Variants in PTPRQ observed in about 807,000 individuals in gnomAD.
The protein encoded by PTPRQ is protein tyrosine phosphatase receptor type Q.
A neutral mutation model predicts 246.0 loss-of-function variants in PTPRQ; 199 were observed. The observed-to-expected ratio is 0.81, with a 90% CI of 0.72 to 0.91. The LOEUF (loss-of-function observed/expected upper bound fraction) is 0.91, where lower values mean the gene tolerates loss of function less well. PTPRQ is among the 40% of genes least tolerant of loss of function. PTPRQ has a pLI of 0.00. For synonymous variants in PTPRQ, 869 were observed against 853.2 expected (o/e 1.02, Z -0.32); for missense variants, 2,624 against 2,528.4 (o/e 1.04, Z -0.81).
In PTPRQ at chr12:80,619,391, A is replaced by AC; in HGVS notation, c.5239dup (p.Arg1747ProfsTer11). 1 of 1,547,192 alleles carries AC rather than the reference A, an allele frequency of 6.5e-7. No individual in the cohort carries two copies. The highest frequency in any genetic ancestry group is 8.7e-7 in the Non-Finnish European group (1 of 1,144,254). The stretch of plus-strand genomic sequence containing the variant: ...TTTCTTCTTTGTTTATAGCTCCAGC[A>AC]CGACCAAAAACCAAACCAACCCCTA... On this transcript the variant is annotated frameshift_variant, in exon 31 of 45. Transcript: ENST00000644991. LOFTEE classifies it high-confidence loss of function.
At chr12:80,475,105 T>C (rs971393319) in intron 8 of PTPRQ, among the ~76,000 whole-genome samples, 2 of 152,154 alleles carry the variant, frequency 1.3e-5, no homozygotes, top group Admixed American at 6.5e-5. Context: ...CTCAATGCTG[T>C]TTGTCTCTAT....
At chr12:80,622,768 C>G (rs1165151346) in intron 33 of PTPRQ, among the ~76,000 whole-genome samples, 2 of 152,032 alleles carry the variant, frequency 1.3e-5, no homozygotes, top group African/African-American at 4.8e-5. Flanking sequence ...TTCTATAAAT[C>G]TGAGTTTCCT....
intron 17 of PTPRQ, among the ~76,000 whole-genome samples, chr12:80,527,208 T>C (rs1895713026): frequency 6.6e-6 from 1 of 152,136 alleles, no homozygotes; most frequent in South Asian, 2.1e-4. Flanking sequence ...CCTGTAACTT[T>C]TGAAAATTTC....
chr12:80,444,999 T>C, intron 2 of PTPRQ, 150 bp downstream of exon 2: 1 of 875,384 alleles, frequency 1.1e-6, no homozygotes, highest in South Asian at 1.8e-5. Flanking sequence ...AGTGATCTGC[T>C]TAGAACCTGC....
At position 80,506,556 on chromosome 12, in the gene PTPRQ, G is replaced by T. The variant is rs7975096; in HGVS notation, c.2456-13G>T. 0.26 allele frequency: 386,466 copies of T among 1,479,764 alleles called. 55,277 individuals carry two copies. Among genetic ancestry groups the T allele is most frequent in the African/African-American group, 0.51 (36,206 of 70,704 alleles). The allele number at this position is 1,479,764 out of a possible 1,614,324, so 91.7% of individuals were successfully genotyped here. On this transcript the variant is annotated splice_polypyrimidine_tract_variant and intron_variant, in intron 15 of 44. Coordinates refer to ENST00000644991, the MANE Select transcript of PTPRQ (RefSeq NM_001145026.2). ...TTTGTAAGTTTCAACTTACCTATTT[G>T]ATTTCTCTTTAGTACTGAAGAAATA...
At chr12:80,593,217 A>G (rs1897861151) in intron 26 of PTPRQ, among the ~76,000 whole-genome samples, 1 of 152,200 alleles carries the variant, frequency 6.6e-6, no homozygotes, top group African/African-American at 2.4e-5. Flanking sequence ...TTCTCTATAA[A>G]GAGTTATTGA....
At chr12:80,661,740 T>C (rs1163874518) in intron 39 of PTPRQ, among the ~76,000 whole-genome samples, 1 of 151,738 alleles carries the variant, frequency 6.6e-6, no homozygotes, top group Non-Finnish European at 1.5e-5. Flanking sequence ...GGCACTAAAA[T>C]GTCATTATTT....
intron 17 of PTPRQ, among the ~76,000 whole-genome samples, chr12:80,528,692 T>C (rs1029459948): frequency 6.6e-6 from 1 of 152,162 alleles, no homozygotes; most frequent in Non-Finnish European, 1.5e-5. Context: ...ATTTGACTAT[T>C]TCAAATTCCT....
intron 17 of PTPRQ, among the ~76,000 whole-genome samples, chr12:80,523,722 C>A (rs1162063459): frequency 6.6e-6 from 1 of 152,140 alleles, no homozygotes; most frequent in Non-Finnish European, 1.5e-5. Flanking sequence ...GCACTGTGAT[C>A]TGAGAGATAG....
chr12:80,445,057 TTACTC>T (rs1266452971), intron 2 of PTPRQ, among the ~76,000 whole-genome samples: 1 of 151,718 alleles, frequency 6.6e-6, no homozygotes, highest in East Asian at 1.9e-4. Context: ...GCAAAGATAA[TTACTC>T]TATACTTGTT....
In PTPRQ at chr12:80,482,289, T is replaced by A. The variant is rs890803910; in HGVS notation, c.1187-2144T>A. On this transcript the variant is annotated intron_variant, in intron 8 of 44. Coordinates refer to ENST00000644991, the MANE Select transcript of PTPRQ (RefSeq NM_001145026.2). The stretch of plus-strand genomic sequence containing the variant: ...AGCAATGGGGAAAGGATTCCTTATT[T>A]AATAAATGGTGCTGGGAAAACTGGC... 5.8e-3 allele frequency among the ~76,000 whole-genome samples: 876 copies of A among 151,590 alleles called. 9 individuals are homozygous for A. Among genetic ancestry groups the A allele is most frequent in the African/African-American group, 0.021 (851 of 41,286 alleles).
rs551181723 is a variant in PTPRQ at position 80,457,684 on chromosome 12, G to C, written c.460+40G>C. On this transcript the variant is annotated intron_variant, in intron 4 of 44. Coordinates refer to ENST00000644991, the MANE Select transcript of PTPRQ (RefSeq NM_001145026.2). Reference sequence around the variant, plus strand: ...ATTTATTTTAAATTGACTTAGTCATGAGTTTGTCGTTTAAAATAATAAAGA... The same window carrying C: ...ATTTATTTTAAATTGACTTAGTCATCAGTTTGTCGTTTAAAATAATAAAGA... 7.5e-6 allele frequency: 3 copies of C among 399,814 alleles called. No individual in the cohort carries two copies. In the East Asian group the frequency reaches 1.1e-4, roughly 14 times the overall value. 24.8% of individuals were successfully genotyped at this position (399,814 alleles called of 1,614,324 possible). A position where few individuals can be genotyped will look rare whatever the true frequency, so the allele number is the denominator to read the frequency against.
In PTPRQ at chr12:80,483,749, G is replaced by A. The variant is rs202234424; in HGVS notation, c.1187-684G>A. On this transcript the variant is annotated intron_variant, in intron 8 of 44. Coordinates refer to ENST00000644991, the MANE Select transcript of PTPRQ (RefSeq NM_001145026.2). ...TCCCTCCCCTAGCCCCCCACCCACC[G>A]ACAGGCCCCGGTGTATGATGTTCCT... Among the ~76,000 whole-genome samples the A allele has an allele frequency of 4.1e-5, 6 of 147,856 alleles. No individual in the cohort carries two copies. In the South Asian group the frequency reaches 7.0e-4, roughly 17 times the overall value.
chr12:80,620,300 G>T lies in PTPRQ; in HGVS notation c.5536G>T (p.Ala1846Ser). 1 of 1,549,524 alleles carries T rather than the reference G, an allele frequency of 6.5e-7. No homozygotes were observed. The highest frequency in any genetic ancestry group is 1.4e-5 in the African/African-American group (1 of 72,958). The change falls in exon 32 of 45, where the codon GCT becomes TCT. Residue 1846 changes from alanine to serine, a missense_variant. Physicochemically the swap from Ala to Ser is moderately conservative, Grantham distance 99. Coordinates refer to ENST00000644991, the MANE Select transcript of PTPRQ (RefSeq NM_001145026.2). ...SGNEEIYIIG[A>S]DNACMIPGNE... ...CAATGAAGAAATCTACATCATAGGT[G>T]CTGATAATGCATGCATGATTCCTGG... is the stretch of plus-strand genomic sequence containing the variant.
chr12:80,678,141 A>T (rs950486462), intron 43 of PTPRQ, among the ~76,000 whole-genome samples: 1 of 152,110 alleles, frequency 6.6e-6, no homozygotes, highest in East Asian at 1.9e-4. Flanking sequence ...GGTGACTAAC[A>T]GATTTATTGG....
At chr12:80,594,832 A>AT (rs1469708667) in intron 26 of PTPRQ, among the ~76,000 whole-genome samples, 7 of 152,154 alleles carry the variant, frequency 4.6e-5, no homozygotes, top group Non-Finnish European at 1.0e-4. Flanking sequence ...CTCTTAGATA[A>AT]TTACAAAAGA....
chr12:80,678,589 C>A lies in PTPRQ; in HGVS notation c.6739-13C>A. ...CAATATATTTGTTTAACCACTCTGT[C>A]TTTGGTGTCTAGGCACAGTATATCT... On this transcript the variant is annotated splice_polypyrimidine_tract_variant and intron_variant, in intron 43 of 44. Transcript: ENST00000644991. 1 of 1,538,754 alleles carries A rather than the reference C, an allele frequency of 6.5e-7. No individual in the cohort carries two copies. The highest frequency in any genetic ancestry group is 8.8e-7 in the Non-Finnish European group (1 of 1,141,300).
chr12:80,607,652 A>G (rs1898377551), intron 27 of PTPRQ, among the ~76,000 whole-genome samples: 1 of 150,942 alleles, frequency 6.6e-6, no homozygotes, highest in African/African-American at 2.4e-5. Context: ...TTCCCAGACT[A>G]AGGAAGAATA....
At chr12:80,659,709 G>T (rs1900564969) in intron 39 of PTPRQ, among the ~76,000 whole-genome samples, 1 of 152,074 alleles carries the variant, frequency 6.6e-6, no homozygotes, top group South Asian at 2.1e-4. Context: ...CGTGGTATGA[G>T]CAATAAACTA....
Sources: allele counts gnomAD v4.1 joint callset (sites outside exome capture counted in the v4.1 genomes callset), GRCh38; gene constraint gnomAD v4.1.1; transcripts MANE v1.5; gene names NCBI Gene and HGNC (gene_info 2026-07-23, HGNC 2026-07-21).